Variants in VPS41 observed in about 807,000 individuals in gnomAD.
VPS41 encodes the protein VPS41 subunit of HOPS complex.
VPS41 carries 85 observed loss-of-function variants against 130.9 expected under a neutral mutation model. That is an observed-to-expected ratio of 0.65 (90% confidence interval 0.55 to 0.78). The LOEUF (loss-of-function observed/expected upper bound fraction) is 0.78, where lower values mean the gene tolerates loss of function less well. Ranked by LOEUF, VPS41 falls within the 30% of genes least tolerant of loss-of-function variation. The pLI is 0.00. For missense variants in VPS41, 874 were observed against 1,018.7 expected (o/e 0.86, Z 1.93); for synonymous variants, 335 against 332.9 (o/e 1.01, Z -0.07).
chr7:38,908,843 T>TC (rs2116474494), intron 1 of VPS41, among the ~76,000 whole-genome samples: 1 of 152,344 alleles, frequency 6.6e-6, no homozygotes, highest in South Asian at 2.1e-4. Context: ...CCACAGGCAG[T>TC]CAGTCCCTGA....
In VPS41 at chr7:38,723,331, A is replaced by C. The variant is rs886988794; in HGVS notation, c.*2915T>G. The C allele has an allele frequency of 2.0e-5, 3 of 152,246 alleles. No individual in the cohort carries two copies. Among genetic ancestry groups the C allele is most frequent in the Admixed American group, 6.5e-5 (1 of 15,284 alleles). The allele number at this position is 152,246 out of a possible 1,614,324, so 9.4% of individuals were successfully genotyped here. A position where few individuals can be genotyped will look rare whatever the true frequency, so the allele number is the denominator to read the frequency against. ...GGAAACTTCTCAAAAATTCTCAAGG[A>C]TGAACATAATTAAACCAGTATGAAA... On this transcript the variant is annotated 3_prime_UTR_variant, in exon 29 of 29. Transcript: ENST00000310301.
In VPS41 at chr7:38,869,218, A is replaced by C; in HGVS notation, c.96T>G (p.Tyr32Ter). 1.9e-6 allele frequency: 3 copies of C among 1,612,828 alleles called. No homozygotes were observed. Among genetic ancestry groups the C allele is most frequent in the Non-Finnish European group, 2.5e-6 (3 of 1,179,184 alleles). ...EESEEEPKLK[Y>*]ERLSNGVTEI... ...CAGTTACCCCATTGGAAAGCCTTTC[A>C]TACTTCAGCTTGGGTTCCTCTTCGC... The change falls in exon 3 of 29, where the codon TAT (tyrosine) becomes TAG (stop). Residue 32 changes from tyrosine (Y) to a stop codon, truncating the protein, a stop_gained. Coordinates refer to ENST00000310301, the MANE Select transcript of VPS41 (RefSeq NM_014396.4). LOFTEE classifies it high-confidence loss of function.
chr7:38,896,127 T>A (rs1786985676), intron 2 of VPS41, among the ~76,000 whole-genome samples: 1 of 152,214 alleles, frequency 6.6e-6, no homozygotes, highest in Admixed American at 6.5e-5. Flanking sequence ...TGTTTAGTAT[T>A]TGGAGCATGT....
Position 38,726,926 on chromosome 7 carries a change from G to A in VPS41, c.2467C>T (p.Leu823=). Residue 823 remains leucine, a synonymous_variant, in exon 28 of 29, where the codon CTG becomes TTG. Coordinates refer to ENST00000310301, the MANE Select transcript of VPS41 (RefSeq NM_014396.4). ...HCRHMFHKEC[L]PMPSMNSAAQ... ...CAACTCACCATGCTGGGCATGGGCA[G>A]GCACTCCTTGTGGAACATGTGCCGG... 2 of 1,585,100 alleles carry A rather than the reference G, an allele frequency of 1.3e-6. No homozygotes were observed. The highest frequency in any genetic ancestry group is 1.8e-5 in the Admixed American group (1 of 56,132).
At chr7:38,848,177 G>A (rs919359404) in intron 4 of VPS41, among the ~76,000 whole-genome samples, 2 of 152,218 alleles carry the variant, frequency 1.3e-5, no homozygotes, top group African/African-American at 2.4e-5. Flanking sequence ...TTGCAATGTT[G>A]CTACATCGAA....
intron 4 of VPS41, 25 bp downstream of exon 4, chr7:38,862,520 A>T: frequency 7.1e-7 from 1 of 1,400,252 alleles, no homozygotes; most frequent in Non-Finnish European, 9.9e-7. Context: ...TTTAGCTCAT[A>T]CATTATTTTA....
intron 7 of VPS41, among the ~76,000 whole-genome samples, chr7:38,811,620 C>CACAA (rs1491194855): frequency 2.0e-5 from 3 of 149,364 alleles, no homozygotes; most frequent in African/African-American, 7.4e-5. Context: ...CACACACACA[C>CACAA]CCCTCCATAT....
At chr7:38,903,915 G>A (rs995373650) in intron 1 of VPS41, among the ~76,000 whole-genome samples, 1 of 152,076 alleles carries the variant, frequency 6.6e-6, no homozygotes, top group Non-Finnish European at 1.5e-5. Context: ...CTTGACGTGT[G>A]CCCCAGCGTG....
chr7:38,791,663 C>A (rs1048691825), intron 9 of VPS41, among the ~76,000 whole-genome samples: 3 of 151,992 alleles, frequency 2.0e-5, no homozygotes, highest in African/African-American at 7.2e-5. Context: ...GAAGCTCAAT[C>A]GGACAGAAAT....
chr7:38,896,948 C>A (rs190056773), intron 2 of VPS41, among the ~76,000 whole-genome samples: 1 of 152,202 alleles, frequency 6.6e-6, no homozygotes, highest in African/African-American at 2.4e-5. Flanking sequence ...AATCCCAGCA[C>A]TTTGGGAGGC....
chr7:38,869,257 C>T lies in VPS41; in HGVS notation c.61-4G>A, dbSNP rs200849940. On this transcript the variant is annotated splice_region_variant and splice_polypyrimidine_tract_variant and intron_variant, in intron 2 of 28. Coordinates refer to ENST00000310301, the MANE Select transcript of VPS41 (RefSeq NM_014396.4). ...GTTCCTCTTCGCTCTCTTCTTCCTG[C>T]ACAAACGGCAAAGAAAAATGACACC... The T allele has an allele frequency of 3.1e-6, 5 of 1,598,654 alleles. No individual in the cohort carries two copies. The Admixed American group carries it at 8.7e-5, about 28-fold the overall frequency.
intron 6 of VPS41, among the ~76,000 whole-genome samples, 188 bp from the exon 7 acceptor site, chr7:38,818,070 C>A (rs1768639173): frequency 6.6e-6 from 1 of 152,142 alleles, no homozygotes; most frequent in South Asian, 2.1e-4. Context: ...GAAAAGATTT[C>A]TTCTCTGAAG....
intron 14 of VPS41, 109 bp from the exon 15 acceptor site, chr7:38,767,707 C>T: frequency 1.6e-6 from 1 of 619,070 alleles, no homozygotes; most frequent in Non-Finnish European, 2.8e-6. Context: ...GCTCTACTGA[C>T]TATAACCTGT....
chr7:38,763,522 C>T lies in VPS41; in HGVS notation c.1355G>A (p.Gly452Asp), dbSNP rs747556595. 2.6e-5 allele frequency: 42 copies of T among 1,606,508 alleles called. No individual in the cohort carries two copies. Among genetic ancestry groups the T allele is most frequent in the Non-Finnish European group, 3.4e-5 (40 of 1,177,530 alleles). Residue 452 changes from glycine (G) to aspartate (D), a missense_variant, in exon 17 of 29, where the codon GGT becomes GAT. Transcript: ENST00000310301. ...LKAISPYLPR[G>D]DPVLKPLIYE... Reference sequence around the variant, plus strand: ...GATGAGTGGTTTCAGAACTGGATCACCTCTTGGCAAATAAGGACTAATAGC... The same window carrying T: ...GATGAGTGGTTTCAGAACTGGATCATCTCTTGGCAAATAAGGACTAATAGC...
chr7:38,841,671 T>G (rs575740416), intron 4 of VPS41, among the ~76,000 whole-genome samples: 1 of 152,368 alleles, frequency 6.6e-6, no homozygotes, highest in African/African-American at 2.4e-5. Flanking sequence ...TGGCGCAATC[T>G]TGGCCTACTG....
chr7:38,903,552 T>C (rs565700416), intron 1 of VPS41, among the ~76,000 whole-genome samples: 2 of 152,282 alleles, frequency 1.3e-5, no homozygotes, highest in South Asian at 2.1e-4. Context: ...CAAGAAATCA[T>C]CTATCTCCAT....
intron 4 of VPS41, among the ~76,000 whole-genome samples, chr7:38,848,944 G>T (rs1218023180): frequency 2.0e-5 from 3 of 152,160 alleles, no homozygotes; most frequent in Admixed American, 1.3e-4. Flanking sequence ...GAAATCAGTA[G>T]GTTCAAGGGA....
At chr7:38,867,852 C>T (rs1786262810) in intron 3 of VPS41, among the ~76,000 whole-genome samples, 1 of 152,096 alleles carries the variant, frequency 6.6e-6, no homozygotes, top group Non-Finnish European at 1.5e-5. Context: ...GAGAGTATGG[C>T]TGAGGGGCAC....
chr7:38,795,738 G>C, intron 8 of VPS41, 127 bp from the exon 9 acceptor site: 1 of 815,172 alleles, frequency 1.2e-6, no homozygotes, highest in Non-Finnish European at 1.8e-6. Flanking sequence ...TACTGAGCAT[G>C]CAAGGAAAAT....
Sources: allele counts gnomAD v4.1 joint callset (sites outside exome capture counted in the v4.1 genomes callset), GRCh38; gene constraint gnomAD v4.1.1; transcripts MANE v1.5; gene names NCBI Gene and HGNC (gene_info 2026-07-23, HGNC 2026-07-21).